Variants in SDK1 observed in about 807,000 individuals in gnomAD.
SDK1 encodes the protein protein sidekick-1.
In SDK1, 157 loss-of-function variants were observed where a neutral mutation model predicts 245.5. That is an observed-to-expected ratio of 0.64 (90% CI 0.56 to 0.73). SDK1 has a LOEUF of 0.73. SDK1 is among the 30% of genes least tolerant of loss of function. The probability of loss-of-function intolerance (pLI) is 0.00; values close to 1 mark genes in which losing one functional copy is unlikely to be tolerated. For missense variants in SDK1, 3,583 were observed against 3,002.3 expected, an observed-to-expected ratio of 1.19 and a Z score of -4.52; for synonymous variants, 1,647 against 1,278.5, an observed-to-expected ratio of 1.29 and a Z score of -6.15.
intron 44 of SDK1, among the ~76,000 whole-genome samples, chr7:4,253,716 T>A (rs1787455401): frequency 6.6e-6 from 1 of 152,192 alleles, no homozygotes; most frequent in Non-Finnish European, 1.5e-5. Context: ...CATTTGTCAG[T>A]GCATTGAAAT....
At chr7:3,746,963 A>G (rs116934388) in intron 4 of SDK1, among the ~76,000 whole-genome samples, 4,366 of 152,354 alleles carry the variant, frequency 0.029, 92 homozygotes, top group Non-Finnish European at 0.047. Context: ...CAGAGGAGTC[A>G]TCATCCGTGG....
intron 3 of SDK1, 147 bp from the exon 4 acceptor site, chr7:3,641,811 A>G: frequency 1.5e-6 from 1 of 666,362 alleles, no homozygotes; most frequent in East Asian, 2.8e-5. Context: ...CGCGTTGGTC[A>G]GCGCTGCCGT....
intron 1 of SDK1, among the ~76,000 whole-genome samples, chr7:3,537,295 C>T (rs1362704461): frequency 6.6e-6 from 1 of 152,106 alleles, no homozygotes; most frequent in Non-Finnish European, 1.5e-5. Context: ...CTTAAAATAC[C>T]CATTGTTCTT....
At chr7:3,349,597 A>G (rs934991318) in intron 1 of SDK1, among the ~76,000 whole-genome samples, 5 of 152,010 alleles carry the variant, frequency 3.3e-5, no homozygotes, top group African/African-American at 9.7e-5. Flanking sequence ...GCCAGAGTAC[A>G]TGTATCTTTT....
intron 4 of SDK1, among the ~76,000 whole-genome samples, chr7:3,760,630 T>A (rs571450832): frequency 9.8e-5 from 15 of 152,304 alleles, no homozygotes; most frequent in Admixed American, 8.5e-4. Context: ...GGATTGTGAT[T>A]TGGGGGACTT....
intron 4 of SDK1, among the ~76,000 whole-genome samples, chr7:3,713,080 C>T (rs1360505196): frequency 6.6e-6 from 1 of 152,204 alleles, no homozygotes; most frequent in East Asian, 1.9e-4. Flanking sequence ...GCAGGTGCTG[C>T]GTCCCTGGAG....
intron 1 of SDK1, among the ~76,000 whole-genome samples, chr7:3,406,661 T>C (rs566007904): frequency 6.6e-5 from 10 of 152,034 alleles, no homozygotes; most frequent in South Asian, 2.1e-4. Context: ...ACCAACCTCC[T>C]AGTTTTTGGA....
intron 1 of SDK1, among the ~76,000 whole-genome samples, chr7:3,489,503 CCAGA>C (rs1004068927): frequency 2.6e-5 from 4 of 152,126 alleles, no homozygotes; most frequent in Non-Finnish European, 4.4e-5. Context: ...TTTTGAGCAG[CCAGA>C]CATTGTGTTG....
chr7:3,860,713 G>A (rs1780669713), intron 5 of SDK1, among the ~76,000 whole-genome samples: 1 of 152,124 alleles, frequency 6.6e-6, no homozygotes. Flanking sequence ...TTGGAGGCCT[G>A]TATTCATCTC....
rs144044795 is a variant in SDK1, at chr7:3,528,821, CAGAG to C, written c.299-90252_299-90249del. Reference sequence around the variant, plus strand: ...GCTATTTATGAAAAAGTGGAAGACTCAGAGAGAGAGGTAGGTTTGGGGCTGAAAA... The same window carrying C: ...GCTATTTATGAAAAAGTGGAAGACTCAGAGAGGTAGGTTTGGGGCTGAAAA... On this transcript the variant is annotated intron_variant, in intron 1 of 44. Coordinates refer to ENST00000404826, the MANE Select transcript of SDK1 (RefSeq NM_152744.4). Among the ~76,000 whole-genome samples the C allele has an allele frequency of 9.2e-3, 1,400 of 152,124 alleles. 19 individuals carry two copies. The highest frequency in any genetic ancestry group is 0.03 in the African/African-American group (1,224 of 41,468).
At chr7:4,253,946 T>C (rs141462976) in intron 44 of SDK1, among the ~76,000 whole-genome samples, 1 of 152,300 alleles carries the variant, frequency 6.6e-6, no homozygotes, top group East Asian at 1.9e-4. Flanking sequence ...TCCAAATATA[T>C]CATTTTGATT....
chr7:4,017,383 G>A lies in SDK1; in HGVS notation c.2602+31G>A, dbSNP rs368063161. On this transcript the variant is annotated intron_variant, in intron 17 of 44. Transcript: ENST00000404826. ...CTTGTCTCCAAAACCACGAGGTGGC[G>A]GGATCTTTGCCGGGGAATGGGATTT... 4.6e-5 allele frequency: 72 copies of A among 1,574,666 alleles called. 1 individual carries two copies. Among genetic ancestry groups the A allele is most frequent in the Middle Eastern group, 1.7e-4 (1 of 5,898 alleles).
chr7:3,589,943 C>G (rs940360658), intron 1 of SDK1, among the ~76,000 whole-genome samples: 4 of 152,188 alleles, frequency 2.6e-5, no homozygotes, highest in African/African-American at 9.7e-5. Flanking sequence ...AGAGTCTGTG[C>G]TGTGCATGTC....
chr7:3,753,542 G>A (rs1779833500), intron 4 of SDK1, among the ~76,000 whole-genome samples: 1 of 152,200 alleles, frequency 6.6e-6, no homozygotes, highest in African/African-American at 2.4e-5. Flanking sequence ...CCCCCAGACA[G>A]GAAGGTTCTT....
At chr7:4,107,481 T>A (rs1290013867) in intron 22 of SDK1, among the ~76,000 whole-genome samples, 1 of 149,362 alleles carries the variant, frequency 6.7e-6, no homozygotes, top group African/African-American at 2.5e-5. Context: ...TTTTTCTTCC[T>A]TTCTTCTTCT....
chr7:3,542,466 G>C (rs1007313111), intron 1 of SDK1, among the ~76,000 whole-genome samples: 3 of 152,180 alleles, frequency 2.0e-5, no homozygotes, highest in African/African-American at 7.2e-5. Context: ...CTTTCAGAGA[G>C]AAGGACCCAG....
At chr7:3,660,173 G>T (rs1394478623) in intron 4 of SDK1, among the ~76,000 whole-genome samples, 1 of 152,104 alleles carries the variant, frequency 6.6e-6, no homozygotes, top group Non-Finnish European at 1.5e-5. Context: ...TTCAGACACA[G>T]CAAAGAAGAG....
At chr7:4,010,193 C>T (rs926702636) in intron 14 of SDK1, among the ~76,000 whole-genome samples, 4 of 152,246 alleles carry the variant, frequency 2.6e-5, no homozygotes, top group South Asian at 4.1e-4. Context: ...GAACCGACAG[C>T]GGATGCTGGA....
At chr7:3,998,819 G>A (rs938099513) in intron 14 of SDK1, among the ~76,000 whole-genome samples, 4 of 152,154 alleles carry the variant, frequency 2.6e-5, no homozygotes, top group Admixed American at 6.5e-5. Context: ...TGCAGTCGGC[G>A]TCTCCACTGC....
Sources: gnomAD v4.1 joint callset for allele counts (sites outside exome capture counted in the v4.1 genomes callset) on GRCh38, gnomAD v4.1.1 for gene constraint, MANE v1.5 for transcripts, NCBI Gene and HGNC (gene_info 2026-07-23, HGNC 2026-07-21) for gene names.